The following LANCL3 variants were observed in gnomAD, a reference collection of about 807,000 sequenced individuals.
LANCL3 encodes the protein LanC like family member 3.
A neutral mutation model predicts 26.5 loss-of-function variants in LANCL3; 19 were observed. The ratio of observed to expected loss-of-function variants is 0.72; its 90% CI spans 0.50 to 1.05. The LOEUF is 1.05. Ranked by LOEUF, LANCL3 falls within the 50% of genes least tolerant of loss-of-function variation. The pLI is 0.00. For synonymous variants in LANCL3, 160 were observed against 166.6 expected, an observed-to-expected ratio of 0.96 and a Z score of 0.30; for missense variants, 318 against 362.7, an observed-to-expected ratio of 0.88 and a Z score of 1.00.
At chrX:37,654,961 A>G (rs931890220) in intron 1 of LANCL3, among the ~76,000 whole-genome samples, 12 of 112,545 alleles carry the variant, frequency 1.1e-4, no homozygotes, top group African/African-American at 3.9e-4. Flanking sequence ...GATGCAAAAC[A>G]TATGGCTAAC....
chrX:37,643,410 C>A (rs923361814), intron 1 of LANCL3, among the ~76,000 whole-genome samples: 3 of 111,960 alleles, frequency 2.7e-5, no homozygotes, highest in African/African-American at 9.8e-5. Flanking sequence ...AGACTTGAAT[C>A]ATAAAATGCT....
chrX:37,577,925 A>G (rs1318576097), intron 1 of LANCL3, among the ~76,000 whole-genome samples: 21 of 111,992 alleles, frequency 1.9e-4, no homozygotes, highest in African/African-American at 5.9e-4. Flanking sequence ...AATGCCCAAT[A>G]AAAAGTCATC....
intron 1 of LANCL3, among the ~76,000 whole-genome samples, chrX:37,602,858 G>A (rs1556420149): frequency 9.0e-6 from 1 of 111,660 alleles, no homozygotes; most frequent in African/African-American, 3.3e-5. Flanking sequence ...CATTTTGAAG[G>A]TGATTGCCTT....
rs782228034 is a variant in LANCL3 at position 37,601,713 on chromosome X, T to C, written c.573+29270T>C. 8.0e-5 allele frequency among the ~76,000 whole-genome samples: 9 copies of C among 112,030 alleles called. 1 individual carries two copies. In the South Asian group the frequency reaches 3.4e-3, roughly 42 times the overall value. On this transcript the variant is annotated intron_variant, in intron 1 of 4. Transcript: ENST00000378619. Reference sequence around the variant, plus strand: ...GCAGATAATGTGTGGAAGCTCCAGATACCATGTCTATGTTCAAGGCAGGAA... The same window carrying C: ...GCAGATAATGTGTGGAAGCTCCAGACACCATGTCTATGTTCAAGGCAGGAA...
Position 37,675,766 on chromosome X carries a change from C to A in LANCL3, c.1216C>A (p.Leu406Met). 1 of 1,161,026 alleles carries A rather than the reference C, an allele frequency of 8.6e-7. No homozygotes were observed. The change falls in exon 5 of 5, where the codon CTG (leucine) becomes ATG (methionine). Residue 406 changes from leucine to methionine, a missense_variant. Coordinates refer to ENST00000378619, the MANE Select transcript of LANCL3 (RefSeq NM_001170331.2). Reference sequence around the variant, plus strand: ...GACAGTGTGCTTTCTGATTGACCTGCTGCAGCCCAATCAGGCTGAATTCCC... The same window carrying A: ...GACAGTGTGCTTTCTGATTGACCTGATGCAGCCCAATCAGGCTGAATTCCC... The part of the protein sequence containing the change: ...SGTVCFLIDL[L>M]QPNQAEFPLF...
chrX:37,627,916 G>A (rs1286346875), intron 1 of LANCL3, among the ~76,000 whole-genome samples: 2 of 111,569 alleles, frequency 1.8e-5, no homozygotes, highest in East Asian at 5.6e-4. Flanking sequence ...ACCAATCTAT[G>A]TTCCACTGAC....
intron 1 of LANCL3, among the ~76,000 whole-genome samples, chrX:37,637,907 A>G (rs1925749998): frequency 9.0e-6 from 1 of 111,009 alleles, no homozygotes; most frequent in Non-Finnish European, 1.9e-5. Context: ...AGTGGATGCC[A>G]TTGTGTAAAC....
At position 37,679,740 on chromosome X, in the gene LANCL3, C is replaced by T. The variant is rs1926889178; in HGVS notation, c.*3927C>T. 9.0e-6 allele frequency: 1 copy of T among 110,820 alleles called. No homozygotes were observed. Among genetic ancestry groups the T allele is most frequent in the African/African-American group, 3.3e-5 (1 of 30,415 alleles). The allele number at this position is 110,820 out of a possible 1,213,427, so 9.1% of individuals were successfully genotyped here. A position where few individuals can be genotyped will look rare whatever the true frequency, so the allele number is the denominator to read the frequency against. ...TGACTGAGCCTCAAATTTGCCGAGC[C>T]CGTGTAATATTGGTATAAATTTGGC... On this transcript the variant is annotated 3_prime_UTR_variant, in exon 5 of 5. Transcript: ENST00000378619.
chrX:37,611,196 C>T (rs1191956121), intron 1 of LANCL3, among the ~76,000 whole-genome samples: 6 of 112,089 alleles, frequency 5.4e-5, no homozygotes, highest in Non-Finnish European at 3.8e-5. Flanking sequence ...CAAACACGCT[C>T]ATGAAGCCAA....
At chrX:37,592,277 TAC>T (rs1556419074) in intron 1 of LANCL3, among the ~76,000 whole-genome samples, 1 of 112,442 alleles carries the variant, frequency 8.9e-6, no homozygotes, top group Non-Finnish European at 1.9e-5. Flanking sequence ...TAAATGCAGG[TAC>T]ACTGTCTCAT....
intron 1 of LANCL3, among the ~76,000 whole-genome samples, chrX:37,616,012 C>T (rs59961232): frequency 0.011 from 1,242 of 112,070 alleles, 11 homozygotes; most frequent in African/African-American, 0.038. Context: ...TTGACTCACA[C>T]TCAGTGCAAT....
rs189351558 is a variant in LANCL3 at position 37,646,858 on chromosome X, T to C, written c.574-8830T>C. ...ACTCCTAAGGCTTGGCATGATGGGA[T>C]GGAGGTAGGAAAGCAGGAACACCAC... On this transcript the variant is annotated intron_variant, in intron 1 of 4. Coordinates refer to ENST00000378619, the MANE Select transcript of LANCL3 (RefSeq NM_001170331.2). 4.8e-3 allele frequency among the ~76,000 whole-genome samples: 535 copies of C among 111,576 alleles called. 4 individuals are homozygous for C. Among genetic ancestry groups the C allele is most frequent in the Non-Finnish European group, 7.9e-3 (419 of 53,126 alleles).
chrX:37,661,940 C>T lies in LANCL3; in HGVS notation c.895+2281C>T, dbSNP rs185824366. Among the ~76,000 whole-genome samples, 3 of 112,166 alleles carry T rather than the reference C, an allele frequency of 2.7e-5. No individual in the cohort carries two copies. The Admixed American group carries it at 2.8e-4, about 11-fold the overall frequency. ...TAGAAATAGTTCTTTGAGTTAATAA[C>T]TCCAGCTTCTAATTTCAGCTCCAAC... On this transcript the variant is annotated intron_variant, in intron 3 of 4. Transcript: ENST00000378619.
At chrX:37,613,111 G>C (rs1459826500) in intron 1 of LANCL3, among the ~76,000 whole-genome samples, 1 of 110,553 alleles carries the variant, frequency 9.0e-6, no homozygotes, top group African/African-American at 3.3e-5. Context: ...CTCTGACCTT[G>C]CTATCTAAAG....
chrX:37,585,739 A>C (rs1428240232), intron 1 of LANCL3, among the ~76,000 whole-genome samples: 1 of 110,934 alleles, frequency 9.0e-6, no homozygotes, highest in Non-Finnish European at 1.9e-5. Context: ...ATGGGTCTTG[A>C]CTCTGTATCC....
chrX:37,581,186 AC>A (rs2146708272), intron 1 of LANCL3, among the ~76,000 whole-genome samples: 1 of 111,869 alleles, frequency 8.9e-6, no homozygotes, highest in South Asian at 3.8e-4. Flanking sequence ...AACAAATGTA[AC>A]TGCTCCTGCA....
chrX:37,582,796 G>A (rs1556417231), intron 1 of LANCL3, among the ~76,000 whole-genome samples: 2 of 111,681 alleles, frequency 1.8e-5, no homozygotes, highest in Non-Finnish European at 3.8e-5. Context: ...AGTTTCTTTT[G>A]CTGTGCAGAA....
At chrX:37,580,163 T>G (rs1252212177) in intron 1 of LANCL3, among the ~76,000 whole-genome samples, 1 of 111,758 alleles carries the variant, frequency 8.9e-6, no homozygotes, top group Non-Finnish European at 1.9e-5. Flanking sequence ...TTGGGCAAGC[T>G]GGATTTTTGT....
chrX:37,652,915 G>A (rs1193858226), intron 1 of LANCL3, among the ~76,000 whole-genome samples: 2 of 111,537 alleles, frequency 1.8e-5, no homozygotes, highest in African/African-American at 6.5e-5. Context: ...GTTCGGGGGC[G>A]AAAAATACTC....
Sources: allele counts gnomAD v4.1 joint callset (sites outside exome capture counted in the v4.1 genomes callset), GRCh38; gene constraint gnomAD v4.1.1; transcripts MANE v1.5; gene names NCBI Gene and HGNC (gene_info 2026-07-23, HGNC 2026-07-21).